Variants in DRGX observed in about 807,000 individuals in gnomAD.
The protein encoded by DRGX is dorsal root ganglia homeobox.
Under a neutral mutation model 28.6 loss-of-function variants are expected in DRGX, and 21 were observed. The observed-to-expected ratio is 0.73, with a 90% confidence interval of 0.52 to 1.06. DRGX has a LOEUF of 1.06. DRGX is among the 50% of genes least tolerant of loss of function. The pLI, the probability that DRGX is intolerant of heterozygous loss-of-function variation, is 0.00. For synonymous variants in DRGX, 136 were observed against 139.1 expected (o/e 0.98, Z 0.16); for missense variants, 354 against 343.9 (o/e 1.03, Z -0.23).
Position 49,365,160 on chromosome 10 carries a change from AC to A in DRGX, c.*955del, listed in dbSNP as rs1433928724. The A allele has an allele frequency of 6.6e-6, 1 of 152,202 alleles. No homozygotes were observed. Among genetic ancestry groups the A allele is most frequent in the Non-Finnish European group, 1.5e-5 (1 of 68,066 alleles). 9.4% of individuals were successfully genotyped at this position (152,202 alleles called of 1,614,324 possible). A position where few individuals can be genotyped will look rare whatever the true frequency, so the allele number is the denominator to read the frequency against. Reference sequence around the variant, plus strand: ...ACTTTTTTTTCCCCAGTAAAAAACCACCACCACTGAAGAGCCCCCTCTACGT... The same window carrying A: ...ACTTTTTTTTCCCCAGTAAAAAACCACACCACTGAAGAGCCCCCTCTACGT... On this transcript the variant is annotated 3_prime_UTR_variant, in exon 7 of 7. Coordinates refer to ENST00000374139, the MANE Select transcript of DRGX (RefSeq NM_001276451.2).
chr10:49,391,131 G>A, intron 3 of DRGX, 33 bp downstream of exon 3: 1 of 1,605,772 alleles, frequency 6.2e-7, no homozygotes, highest in South Asian at 1.1e-5. Context: ...GTAGGAAGTA[G>A]CTGATGTTTG....
intron 2 of DRGX, among the ~76,000 whole-genome samples, chr10:49,395,138 A>C (rs1250010338): frequency 6.6e-6 from 1 of 152,204 alleles, no homozygotes; most frequent in African/African-American, 2.4e-5. Context: ...CTGTGCTGGG[A>C]GGATTCGGCC....
intron 5 of DRGX, 33 bp downstream of exon 5, chr10:49,386,647 T>C (rs1212309806): frequency 1.9e-6 from 3 of 1,576,190 alleles, no homozygotes; most frequent in Non-Finnish European, 2.6e-6. Context: ...GTGCTGCCCA[T>C]GGCCCACCGG....
rs1447887450 is a variant in DRGX, at chr10:49,364,785, G to C, written c.*1331C>G. 1.3e-5 allele frequency: 2 copies of C among 152,154 alleles called. No individual in the cohort carries two copies. Among genetic ancestry groups the C allele is most frequent in the African/African-American group, 4.8e-5 (2 of 41,402 alleles). The allele number at this position is 152,154 out of a possible 1,614,324, so 9.4% of individuals were successfully genotyped here. ...TCATGGAGTGGGGGAAGGTAAAAAG[G>C]GGACAGGAAATGTGAAAGTAAAACA... On this transcript the variant is annotated 3_prime_UTR_variant, in exon 7 of 7. Transcript: ENST00000374139.
chr10:49,370,648 G>T, intron 6 of DRGX, among the ~76,000 whole-genome samples: 1 of 152,240 alleles, frequency 6.6e-6, no homozygotes, highest in East Asian at 1.9e-4. Context: ...ACCTGAATGA[G>T]AACTGGGAAG....
At chr10:49,390,951 T>C (rs550659394) in intron 3 of DRGX, among the ~76,000 whole-genome samples, 11 of 152,350 alleles carry the variant, frequency 7.2e-5, no homozygotes, top group South Asian at 4.1e-4. Context: ...GAGAACGTTG[T>C]TGCCTCTTCA....
chr10:49,386,495 TG>T lies in DRGX; in HGVS notation c.508del (p.His170MetfsTer42). On this transcript the variant is annotated frameshift_variant, in exon 6 of 7. Coordinates refer to ENST00000374139, the MANE Select transcript of DRGX (RefSeq NM_001276451.2). LOFTEE classifies it high-confidence loss of function. ...AAACTCACCTTTGAGGGAAGCCACA[TG>T]GGACAAGGCCTGGGCGTAGGTGGCC... The part of the protein sequence containing the change: ...NTATYAQALS[H>X]VASLKGGPLC... 1 of 1,577,768 alleles carries T rather than the reference TG, an allele frequency of 6.3e-7. No individual in the cohort carries two copies. Among genetic ancestry groups the T allele is most frequent in the Non-Finnish European group, 8.6e-7 (1 of 1,162,400 alleles).
intron 6 of DRGX, among the ~76,000 whole-genome samples, chr10:49,373,987 G>GAT (rs1250168427): frequency 1.3e-4 from 19 of 151,896 alleles, no homozygotes; most frequent in Non-Finnish European, 2.6e-4. Flanking sequence ...GTTTATTAGG[G>GAT]ATATATATTC....
chr10:49,366,051 G>A lies in DRGX; in HGVS notation c.*65C>T, dbSNP rs1015130635. The A allele has an allele frequency of 2.0e-6, 3 of 1,483,772 alleles. No homozygotes were observed. Among genetic ancestry groups the A allele is most frequent in the Non-Finnish European group, 2.7e-6 (3 of 1,120,060 alleles). The allele number at this position is 1,483,772 out of a possible 1,614,324, so 91.9% of individuals were successfully genotyped here. On this transcript the variant is annotated 3_prime_UTR_variant, in exon 7 of 7. Coordinates refer to ENST00000374139, the MANE Select transcript of DRGX (RefSeq NM_001276451.2). ...CTCCTTGCTATTTGGAGAGTTTTCT[G>A]TAGGGGCTGAGGCTGGGAGAAGGAG...
At position 49,366,263 on chromosome 10, in the gene DRGX, C is replaced by T; in HGVS notation, c.645G>A (p.Glu215=). ...CTGACTGCAGGACAGCTTCTGAGTG[C>T]TCGCGGGCCTTCATGCGCAGGGTGG... ...SVATLRMKAR[E]HSEAVLQSAN... is the part of the protein sequence containing the mutation. The change falls in exon 7 of 7, where the codon GAG becomes GAA. Residue 215 remains glutamate (E), a synonymous_variant. Coordinates refer to ENST00000374139, the MANE Select transcript of DRGX (RefSeq NM_001276451.2). The T allele has an allele frequency of 6.2e-7, 1 of 1,613,980 alleles. No individual in the cohort carries two copies. Among genetic ancestry groups the T allele is most frequent in the Non-Finnish European group, 8.5e-7 (1 of 1,179,884 alleles).
chr10:49,371,261 G>C (rs1442783263), intron 6 of DRGX, among the ~76,000 whole-genome samples: 1 of 152,148 alleles, frequency 6.6e-6, no homozygotes, highest in Non-Finnish European at 1.5e-5. Flanking sequence ...TAACATGATG[G>C]AGCTTCATCC....
At position 49,366,315 on chromosome 10, in the gene DRGX, C is replaced by G. The variant is rs763910282; in HGVS notation, c.593G>C (p.Cys198Ser). Residue 198 changes from cysteine to serine, a missense_variant, in exon 7 of 7, where the codon TGC (cysteine) becomes TCC (serine). Physicochemically the swap from Cys to Ser is moderately radical, Grantham distance 112. Transcript: ENST00000374139. ...MGLSFLPTYG[C>S]QSNRTASVAT... ...CACGCTGGCCGTGCGGTTACTCTGG[C>G]AGCCATAGGTGGGAAGGAAGGAGAG... The G allele has an allele frequency of 6.2e-7, 1 of 1,613,924 alleles. No homozygotes were observed. The highest frequency in any genetic ancestry group is 2.2e-5 in the East Asian group (1 of 44,876).
In DRGX at chr10:49,395,482, G is replaced by T. The variant is rs1205990996; in HGVS notation, c.-42C>A. On this transcript the variant is annotated 5_prime_UTR_variant, in exon 2 of 7. Transcript: ENST00000374139. The stretch of plus-strand genomic sequence containing the variant: ...GGCTGGACGGCCGAGACCTGGGAGG[G>T]TGGCAGCAGAACGGACCCGCGCGCG... 6.5e-7 allele frequency: 1 copy of T among 1,548,876 alleles called. No homozygotes were observed. Among genetic ancestry groups the T allele is most frequent in the South Asian group, 1.2e-5 (1 of 84,048 alleles).
Position 49,366,285 on chromosome 10 carries a change from G to T in DRGX, c.623C>A (p.Thr208Asn). ...GTGCTCGCGGGCCTTCATGCGCAGG[G>T]TGGCCACGCTGGCCGTGCGGTTACT... is the stretch of plus-strand genomic sequence containing the variant. ...CQSNRTASVA[T>N]LRMKAREHSE... Residue 208 changes from threonine to asparagine, a missense_variant, in exon 7 of 7, where the codon ACC (threonine) becomes AAC (asparagine). Coordinates refer to ENST00000374139, the MANE Select transcript of DRGX (RefSeq NM_001276451.2). The T allele has an allele frequency of 6.2e-7, 1 of 1,613,974 alleles. No homozygotes were observed. The highest frequency in any genetic ancestry group is 8.5e-7 in the Non-Finnish European group (1 of 1,179,882).
chr10:49,376,523 C>G (rs1484482933), intron 6 of DRGX, among the ~76,000 whole-genome samples: 1 of 152,196 alleles, frequency 6.6e-6, no homozygotes, highest in Non-Finnish European at 1.5e-5. Context: ...AAGCAGAAAC[C>G]TCTGCCTCAG....
intron 6 of DRGX, among the ~76,000 whole-genome samples, chr10:49,368,750 T>C (rs1849625413): frequency 6.6e-6 from 1 of 152,260 alleles, no homozygotes; most frequent in Admixed American, 6.5e-5. Context: ...TAGATTTGTG[T>C]TTTCCTCTCT....
At position 49,386,868 on chromosome 10, in the gene DRGX, A is replaced by C; in HGVS notation, c.235-10T>G. ...TGTTCTGGAACCAAACCTGAATCCC[A>C]GATGGAAACATACACCCAGTGAAAA... is the stretch of plus-strand genomic sequence containing the variant. On this transcript the variant is annotated splice_polypyrimidine_tract_variant and intron_variant, in intron 4 of 6. Coordinates refer to ENST00000374139, the MANE Select transcript of DRGX (RefSeq NM_001276451.2). The C allele has an allele frequency of 6.5e-7, 1 of 1,536,352 alleles. No individual in the cohort carries two copies. The highest frequency in any genetic ancestry group is 2.3e-5 in the East Asian group (1 of 44,008).
At chr10:49,389,840 CTTT>C (rs372299739) in intron 4 of DRGX, among the ~76,000 whole-genome samples, 1 of 138,006 alleles carries the variant, frequency 7.2e-6, no homozygotes, top group African/African-American at 2.6e-5. Context: ...TTCTTTCTTT[CTTT>C]TTTTTTTTTT....
rs1162023261 is a variant in DRGX at position 49,366,240 on chromosome 10, G to A, written c.668C>T (p.Ser223Leu). The A allele has an allele frequency of 2.5e-6, 4 of 1,613,812 alleles. No homozygotes were observed. Among genetic ancestry groups the A allele is most frequent in the Non-Finnish European group, 3.4e-6 (4 of 1,179,870 alleles). The part of the protein sequence containing the change: ...AREHSEAVLQ[S>L]ANLLPSTSSS... The stretch of plus-strand genomic sequence containing the variant: ...GCTGGTGGAAGGCAGGAGGTTGGCT[G>A]ACTGCAGGACAGCTTCTGAGTGCTC... The change falls in exon 7 of 7, where the codon TCA becomes TTA. Residue 223 changes from serine (S) to leucine (L), a missense_variant. By Grantham distance (145) the Ser-to-Leu change is moderately radical. Transcript: ENST00000374139.
Sources: gnomAD v4.1 joint callset for allele counts (sites outside exome capture counted in the v4.1 genomes callset) on GRCh38, gnomAD v4.1.1 for gene constraint, MANE v1.5 for transcripts, NCBI Gene and HGNC (gene_info 2026-07-23, HGNC 2026-07-21) for gene names.